Variants in PPP1R3A observed in about 807,000 individuals in gnomAD.
PPP1R3A encodes the protein RG1.
PPP1R3A carries 29 observed loss-of-function variants against 41.7 expected under a neutral mutation model. The ratio of observed to expected loss-of-function variants is 0.70; its 90% CI spans 0.52 to 0.95. The LOEUF (loss-of-function observed/expected upper bound fraction) is 0.95, where lower values mean the gene tolerates loss of function less well. PPP1R3A is among the 40% of genes least tolerant of loss of function. The probability of loss-of-function intolerance (pLI) is 0.00; values close to 1 mark genes in which losing one functional copy is unlikely to be tolerated. For synonymous variants in PPP1R3A, 485 were observed against 453.4 expected (o/e 1.07, Z -0.89); for missense variants, 1,352 against 1,292.4 (o/e 1.05, Z -0.71).
intron 1 of PPP1R3A, among the ~76,000 whole-genome samples, chr7:113,916,761 A>T (rs1797350193): frequency 6.6e-6 from 1 of 152,076 alleles, no homozygotes; most frequent in Non-Finnish European, 1.5e-5. Context: ...TTGCTAAATA[A>T]TGTTGAACTT....
At chr7:113,910,359 C>CA (rs1335406429) in intron 1 of PPP1R3A, among the ~76,000 whole-genome samples, 18 of 152,080 alleles carry the variant, frequency 1.2e-4, no homozygotes, top group Middle Eastern at 3.4e-3. Flanking sequence ...AAGGATTCAA[C>CA]AAAAACTGTT....
intron 1 of PPP1R3A, among the ~76,000 whole-genome samples, chr7:113,908,463 A>G (rs1797183059): frequency 6.6e-6 from 1 of 151,958 alleles, no homozygotes; most frequent in Non-Finnish European, 1.5e-5. Flanking sequence ...GAATGGCTGT[A>G]CCAATATTCT....
Position 113,878,640 on chromosome 7 carries a change from CCATTT to C in PPP1R3A, c.2447_2451del (p.Glu816GlyfsTer12). ...TACATAGACATGGTTTCTTCCTTCT[CCATTT>C]CATCTACACGTACATTACAAATACC... On this transcript the variant is annotated frameshift_variant, in exon 4 of 4. Transcript: ENST00000284601. LOFTEE classifies it low-confidence loss of function (END_TRUNC). The C allele has an allele frequency of 6.2e-7, 1 of 1,613,450 alleles. No homozygotes were observed. Among genetic ancestry groups the C allele is most frequent in the Non-Finnish European group, 8.5e-7 (1 of 1,179,646 alleles).
rs141946428 is a variant in PPP1R3A at position 113,902,692 on chromosome 7, T to C, written c.782+15523A>G. ...TCAAGTCTCTGATCAATTGTTACCTTCTCGATGAAGTGCATTCTTTTGAGA... is the reference window on the plus strand; with the variant it reads ...TCAAGTCTCTGATCAATTGTTACCTCCTCGATGAAGTGCATTCTTTTGAGA... On this transcript the variant is annotated intron_variant, in intron 1 of 3. Transcript: ENST00000284601. 2.9e-3 allele frequency among the ~76,000 whole-genome samples: 436 copies of C among 151,966 alleles called. 2 individuals carry two copies. The highest frequency in any genetic ancestry group is 0.01 in the African/African-American group (416 of 41,524).
At chr7:113,888,646 C>A (rs1796828936) in intron 1 of PPP1R3A, among the ~76,000 whole-genome samples, 1 of 152,128 alleles carries the variant, frequency 6.6e-6, no homozygotes, top group Non-Finnish European at 1.5e-5. Flanking sequence ...ACTTGCTTCC[C>A]AGGAGTTTAT....
rs1796645084 is a variant in PPP1R3A, at chr7:113,879,584, T to C, written c.1508A>G (p.Glu503Gly). ...ATAATAATCTTCCTTAGAAGATCCT[T>C]CTTCTGTTGATTCTTTGAGACATGC... ...TSACLKESTE[E>G]GSSKEDYYGN... The change falls in exon 4 of 4, where the codon GAA becomes GGA. Residue 503 changes from glutamate (E) to glycine (G), a missense_variant. Physicochemically the swap from Glu to Gly is moderately conservative, Grantham distance 98. Transcript: ENST00000284601. 2 of 1,613,190 alleles carry C rather than the reference T, an allele frequency of 1.2e-6. No homozygotes were observed. The highest frequency in any genetic ancestry group is 1.7e-6 in the Non-Finnish European group (2 of 1,179,544).
At chr7:113,895,118 T>C (rs140158983) in intron 1 of PPP1R3A, among the ~76,000 whole-genome samples, 258 of 152,104 alleles carry the variant, frequency 1.7e-3, no homozygotes, top group African/African-American at 5.7e-3. Context: ...TGGGATGTTT[T>C]CATGTGGTTT....
At chr7:113,911,865 G>A (rs1181974591) in intron 1 of PPP1R3A, among the ~76,000 whole-genome samples, 1 of 151,980 alleles carries the variant, frequency 6.6e-6, no homozygotes, top group Non-Finnish European at 1.5e-5. Flanking sequence ...GGAAAATGTG[G>A]AATTTATCAC....
At chr7:113,917,903 T>G (rs1224749917) in intron 1 of PPP1R3A, among the ~76,000 whole-genome samples, 1 of 152,074 alleles carries the variant, frequency 6.6e-6, no homozygotes, top group Non-Finnish European at 1.5e-5. Context: ...AGTAAATAAT[T>G]TTATATGTGA....
At chr7:113,895,122 GTGGTTTATTTTT>G (rs1796957020) in intron 1 of PPP1R3A, among the ~76,000 whole-genome samples, 1 of 151,968 alleles carries the variant, frequency 6.6e-6, no homozygotes, top group Admixed American at 6.6e-5. Context: ...ATGTTTTCAT[GTGGTTTATTTTT>G]TAAAGAGAAC....
intron 1 of PPP1R3A, among the ~76,000 whole-genome samples, chr7:113,916,079 G>A (rs560828915): frequency 1.7e-4 from 26 of 152,128 alleles, no homozygotes; most frequent in African/African-American, 6.0e-4. Context: ...AAAAATTCAT[G>A]TTGGACTGAA....
At chr7:113,899,266 TCAC>T (rs1477867143) in intron 1 of PPP1R3A, among the ~76,000 whole-genome samples, 2 of 151,750 alleles carry the variant, frequency 1.3e-5, no homozygotes, top group African/African-American at 2.4e-5. Context: ...AAATCTGTGC[TCAC>T]CACTTCATCC....
chr7:113,898,839 T>TA (rs1360834030), intron 1 of PPP1R3A, among the ~76,000 whole-genome samples: 2 of 151,850 alleles, frequency 1.3e-5, no homozygotes, highest in Admixed American at 1.3e-4. Flanking sequence ...CACCATTTCT[T>TA]AGAGCTTTTA....
intron 1 of PPP1R3A, among the ~76,000 whole-genome samples, chr7:113,898,809 C>T (rs1797016930): frequency 6.6e-6 from 1 of 151,796 alleles, no homozygotes; most frequent in Non-Finnish European, 1.5e-5. Context: ...CCAGCCAACA[C>T]CTGAAGATAA....
chr7:113,889,170 G>GC (rs1196985017), intron 1 of PPP1R3A, among the ~76,000 whole-genome samples: 1 of 152,094 alleles, frequency 6.6e-6, no homozygotes, highest in Non-Finnish European at 1.5e-5. Flanking sequence ...GCATCTCACT[G>GC]CCCCACTGGA....
intron 1 of PPP1R3A, among the ~76,000 whole-genome samples, chr7:113,891,898 A>C (rs185823940): frequency 2.4e-4 from 36 of 152,096 alleles, no homozygotes; most frequent in Admixed American, 1.5e-3. Flanking sequence ...GAATTACCCA[A>C]CCAGTTAAGG....
chr7:113,879,099 A>C lies in PPP1R3A; in HGVS notation c.1993T>G (p.Ser665Ala). The change falls in exon 4 of 4, where the codon TCA (serine) becomes GCA (alanine). Residue 665 changes from serine to alanine, a missense_variant. Ser to Ala is a moderately conservative substitution (Grantham distance 99). Transcript: ENST00000284601. ...GTTATGTTTGTCTTATTCTCTCTTGATTTTCCCTGACTTTCCAGAACATTC... is the reference window on the plus strand; with the variant it reads ...GTTATGTTTGTCTTATTCTCTCTTGCTTTTCCCTGACTTTCCAGAACATTC... ...SWNVLESQGK[S>A]RENKTNITEH... 1.9e-6 allele frequency: 3 copies of C among 1,613,480 alleles called. No homozygotes were observed. The highest frequency in any genetic ancestry group is 2.5e-6 in the Non-Finnish European group (3 of 1,179,742).
Position 113,879,124 on chromosome 7 carries a change from C to T in PPP1R3A, c.1968G>A (p.Trp656Ter). The change falls in exon 4 of 4, where the codon TGG becomes TGA. Residue 656 changes from tryptophan (W) to a stop codon, truncating the protein, a stop_gained. Transcript: ENST00000284601. LOFTEE classifies it low-confidence loss of function (END_TRUNC). ...ATTTTCCCTGACTTTCCAGAACATT[C>T]CAACTTTGTTTATGCTGTGGGCTAT... ...QDNSPQHKQSWNVLESQGKSR... is the reference protein window; with the variant it reads ...QDNSPQHKQS The T allele has an allele frequency of 6.2e-7, 1 of 1,613,748 alleles. No individual in the cohort carries two copies.
chr7:113,878,526 G>A lies in PPP1R3A; in HGVS notation c.2566C>T (p.Gln856Ter). 6.2e-7 allele frequency: 1 copy of A among 1,613,458 alleles called. No individual in the cohort carries two copies. Among genetic ancestry groups the A allele is most frequent in the South Asian group, 1.1e-5 (1 of 91,060 alleles). Residue 856 changes from glutamine (Q) to a stop codon, truncating the protein, a stop_gained, in exon 4 of 4, where the codon CAA (glutamine) becomes TAA (stop). Coordinates refer to ENST00000284601, the MANE Select transcript of PPP1R3A (RefSeq NM_002711.4). LOFTEE classifies it low-confidence loss of function (END_TRUNC). ...EESSWVITEY[Q>*]KATSKLDLQL... is the part of the protein sequence containing the mutation. ...AAATCCAGTTTTGAAGTTGCTTTTT[G>A]ATATTCTGTAATGACCCATGAGGAT...
Sources: allele counts gnomAD v4.1 joint callset (sites outside exome capture counted in the v4.1 genomes callset), GRCh38; gene constraint gnomAD v4.1.1; transcripts MANE v1.5; gene names NCBI Gene and HGNC (gene_info 2026-07-23, HGNC 2026-07-21).